GLP2R: variants seen among roughly 807,000 people sequenced by gnomAD.
GLP2R encodes glucagon like peptide 2 receptor.
Under a neutral mutation model 68.2 loss-of-function variants are expected in GLP2R, and 59 were observed. The observed-to-expected ratio is 0.87, with a 90% CI of 0.70 to 1.07. The LOEUF (loss-of-function observed/expected upper bound fraction) is 1.07. GLP2R is among the 50% of genes least tolerant of loss of function. GLP2R has a pLI of 0.00. For synonymous variants in GLP2R, 270 were observed against 265.4 expected (o/e 1.02, Z -0.17); for missense variants, 548 against 677.4 (o/e 0.81, Z 2.12).
intron 2 of GLP2R, among the ~76,000 whole-genome samples, chr17:9,834,154 A>G (rs1038195231): frequency 5.3e-5 from 8 of 152,296 alleles, no homozygotes; most frequent in Middle Eastern, 3.4e-3. Flanking sequence ...CAGAGGCCAG[A>G]CTGCCTTTTA....
At chr17:9,889,216 C>T (rs183493035) in intron 12 of GLP2R, among the ~76,000 whole-genome samples, 154 bp from the exon 13 acceptor site, 3 of 152,342 alleles carry the variant, frequency 2.0e-5, no homozygotes, top group Admixed American at 2.0e-4. Flanking sequence ...CACCACCAGA[C>T]ATGTTTATGT....
chr17:9,842,752 G>T (rs775236594), intron 4 of GLP2R, 136 bp downstream of exon 4: 192 of 902,590 alleles, frequency 2.1e-4, no homozygotes, highest in Middle Eastern at 7.0e-4. Context: ...GCTAAGGAAG[G>T]TCCCGCAAAG....
intron 4 of GLP2R, among the ~76,000 whole-genome samples, chr17:9,844,426 C>T (rs141937759): frequency 8.2e-4 from 124 of 152,104 alleles, no homozygotes; most frequent in African/African-American, 2.7e-3. Context: ...GGCAGCAACT[C>T]AGGCCGGATA....
intron 2 of GLP2R, 26 bp downstream of exon 2, chr17:9,833,920 G>A (rs776865881): frequency 1.4e-6 from 2 of 1,434,684 alleles, no homozygotes; most frequent in South Asian, 2.3e-5. Flanking sequence ...AGTTATCCGT[G>A]GCTGTGTAAC....
chr17:9,855,945 C>G (rs1398328245), intron 5 of GLP2R, among the ~76,000 whole-genome samples: 1 of 152,202 alleles, frequency 6.6e-6, no homozygotes, highest in Non-Finnish European at 1.5e-5. Flanking sequence ...TCTCTGGTCT[C>G]AGGAATGTAA....
At chr17:9,864,604 C>A (rs563103885) in intron 9 of GLP2R, among the ~76,000 whole-genome samples, 2 of 152,212 alleles carry the variant, frequency 1.3e-5, no homozygotes, top group South Asian at 2.1e-4. Flanking sequence ...CTCACTGCAA[C>A]CTCTGCTTCC....
At chr17:9,831,732 G>C (rs148214940) in intron 1 of GLP2R, among the ~76,000 whole-genome samples, 26 of 152,330 alleles carry the variant, frequency 1.7e-4, no homozygotes, top group Non-Finnish European at 3.2e-4. Flanking sequence ...CCTGTGCTCA[G>C]CTCTGGCCTG....
chr17:9,872,321 A>G (rs2067102337), intron 10 of GLP2R, among the ~76,000 whole-genome samples: 1 of 152,216 alleles, frequency 6.6e-6, no homozygotes, highest in South Asian at 2.1e-4. Context: ...TCACGCCTGT[A>G]ATCCCAGTAC....
chr17:9,865,221 C>T (rs1325998616), intron 9 of GLP2R, among the ~76,000 whole-genome samples: 1 of 152,130 alleles, frequency 6.6e-6, no homozygotes, highest in East Asian at 1.9e-4. Flanking sequence ...ATTCAGACTT[C>T]AAGTCCTGTC....
intron 11 of GLP2R, among the ~76,000 whole-genome samples, chr17:9,881,378 C>CTTTTTTTT (rs35526930): frequency 0.14 from 13,488 of 95,056 alleles, 1,509 homozygotes; most frequent in Non-Finnish European, 0.21. Context: ...GCTGTCAGGC[C>CTTTTTTTT]TTTTTTTTTT....
At chr17:9,836,121 C>T (rs771658993) in intron 2 of GLP2R, among the ~76,000 whole-genome samples, 2 of 151,796 alleles carry the variant, frequency 1.3e-5, no homozygotes, top group Non-Finnish European at 2.9e-5. Context: ...TGTACATTGA[C>T]GTAATTGACC....
At chr17:9,852,813 T>TTCA (rs892956709) in intron 4 of GLP2R, 2 of 279,560 alleles carry the variant, frequency 7.2e-6, no homozygotes, top group South Asian at 4.2e-5. Flanking sequence ...CATCATCATC[T>TTCA]TCATCATCAT....
intron 9 of GLP2R, among the ~76,000 whole-genome samples, chr17:9,865,463 CTGTT>C (rs1158549808): frequency 6.6e-6 from 1 of 152,174 alleles, no homozygotes; most frequent in Non-Finnish European, 1.5e-5. Flanking sequence ...TTCTACTTGA[CTGTT>C]TAATGGGTCA....
chr17:9,866,691 C>T (rs904703822), intron 9 of GLP2R: 18 of 152,176 alleles, frequency 1.2e-4, no homozygotes, highest in Non-Finnish European at 2.2e-4. Context: ...TGGCTTGGTG[C>T]TAGGTTATTT....
At chr17:9,853,081 C>T (rs1252025649) in intron 4 of GLP2R, 2 of 533,626 alleles carry the variant, frequency 3.7e-6, no homozygotes, top group Admixed American at 4.4e-5. Context: ...TTCAAAGTCG[C>T]CAGTGTTACT....
chr17:9,871,798 C>T (rs796760401), intron 10 of GLP2R, among the ~76,000 whole-genome samples: 31 of 142,850 alleles, frequency 2.2e-4, no homozygotes, highest in African/African-American at 7.3e-4. Flanking sequence ...GATCTCAGCT[C>T]GCTGCAACCT....
intron 1 of GLP2R, among the ~76,000 whole-genome samples, chr17:9,829,614 T>A (rs1218426176): frequency 6.6e-6 from 1 of 152,208 alleles, no homozygotes; most frequent in Non-Finnish European, 1.5e-5. Flanking sequence ...ATTATTTATT[T>A]CTTGAAATGG....
rs140104849 is a variant in GLP2R at position 9,847,875 on chromosome 17, C to T, written c.504+5259C>T. Among the ~76,000 whole-genome samples the T allele has an allele frequency of 4.2e-4, 64 of 152,236 alleles. 1 individual carries two copies. The East Asian group carries it at 7.7e-3, about 18-fold the overall frequency. On this transcript the variant is annotated intron_variant, in intron 4 of 12. Transcript: ENST00000262441. ...AGTGTATCCTAATCTTCCATCAAGG[C>T]GCAGTGGCTCATAAGTATGATCCCA...
chr17:9,830,228 TA>T (rs1470835022), intron 1 of GLP2R, among the ~76,000 whole-genome samples: 1 of 152,218 alleles, frequency 6.6e-6, no homozygotes, highest in Non-Finnish European at 1.5e-5. Context: ...GAATGGAGGA[TA>T]GGGGAACATT....
Sources: allele counts gnomAD v4.1 joint callset (sites outside exome capture counted in the v4.1 genomes callset), GRCh38; gene constraint gnomAD v4.1.1; transcripts MANE v1.5; gene names NCBI Gene and HGNC (gene_info 2026-07-23, HGNC 2026-07-21).